Variants in DHRS1 observed in about 807,000 individuals in gnomAD.
The protein encoded by DHRS1 is dehydrogenase/reductase 1.
A neutral mutation model predicts 35.2 loss-of-function variants in DHRS1; 34 were observed. That is an observed-to-expected ratio of 0.97 (90% CI 0.74 to 1.29). DHRS1 has a LOEUF of 1.29. DHRS1 is among the 50% of genes most tolerant of loss of function. The pLI, the probability that DHRS1 is intolerant of heterozygous loss-of-function variation, is 0.00. For missense variants in DHRS1, 354 were observed against 403.6 expected (o/e 0.88, Z 1.05); for synonymous variants, 133 against 160.0 (o/e 0.83, Z 1.27).
At position 24,291,642 on chromosome 14, in the gene DHRS1, G is replaced by T; in HGVS notation, c.655-17C>A. 6.2e-7 allele frequency: 1 copy of T among 1,613,050 alleles called. No individual in the cohort carries two copies. On this transcript the variant is annotated splice_polypyrimidine_tract_variant and intron_variant, in intron 6 of 8. Coordinates refer to ENST00000288111, the MANE Select transcript of DHRS1 (RefSeq NM_001136050.3). ...TGATTTGAACTGAAACACAGGGGCAGAGAAGTGAAGGGTTAATTTCCAAGA... is the reference window on the plus strand; with the variant it reads ...TGATTTGAACTGAAACACAGGGGCATAGAAGTGAAGGGTTAATTTCCAAGA...
In DHRS1 at chr14:24,290,766, G is replaced by A. The variant is rs2041143928; in HGVS notation, c.*93C>T. ...GCTTCTCTTCATATCAAGGGTATGGGTAAACAAGAAAGGCTGCTGTTTCAC... is the reference window on the plus strand; with the variant it reads ...GCTTCTCTTCATATCAAGGGTATGGATAAACAAGAAAGGCTGCTGTTTCAC... On this transcript the variant is annotated 3_prime_UTR_variant, in exon 9 of 9. Transcript: ENST00000288111. 1 of 1,525,890 alleles carries A rather than the reference G, an allele frequency of 6.6e-7. No homozygotes were observed. The highest frequency in any genetic ancestry group is 9.0e-7 in the Non-Finnish European group (1 of 1,110,142). The allele number at this position is 1,525,890 out of a possible 1,614,324, so 94.5% of individuals were successfully genotyped here. A position where few individuals can be genotyped will look rare whatever the true frequency, so the allele number is the denominator to read the frequency against.
chr14:24,297,319 C>T (rs1478788957), intron 2 of DHRS1, among the ~76,000 whole-genome samples: 3 of 152,174 alleles, frequency 2.0e-5, no homozygotes. Context: ...CTTACCCTCA[C>T]TCCACCAATG....
Position 24,291,639 on chromosome 14 carries a change from GC to G in DHRS1, c.655-15del. On this transcript the variant is annotated splice_polypyrimidine_tract_variant and intron_variant, in intron 6 of 8. Transcript: ENST00000288111. ...GGCTGATTTGAACTGAAACACAGGG[GC>G]AGAGAAGTGAAGGGTTAATTTCCAA... The G allele has an allele frequency of 6.2e-7, 1 of 1,613,336 alleles. No individual in the cohort carries two copies. The highest frequency in any genetic ancestry group is 1.1e-5 in the South Asian group (1 of 91,072).
chr14:24,297,539 C>T (rs188364509), intron 2 of DHRS1, among the ~76,000 whole-genome samples: 11 of 152,330 alleles, frequency 7.2e-5, no homozygotes, highest in South Asian at 2.1e-4. Context: ...TGCCTCCCAA[C>T]GACTCACCTG....
At position 24,296,524 on chromosome 14, in the gene DHRS1, TTGA is replaced by T. The variant is rs2041250599; in HGVS notation, c.356_358del (p.Ile119del). The T allele has an allele frequency of 6.2e-7, 1 of 1,614,104 alleles. No homozygotes were observed. Among genetic ancestry groups the T allele is most frequent in the Admixed American group, 1.7e-5 (1 of 60,010 alleles). ...GAGCACCCACCTGAGTCCGACGTTG[TTGA>T]TATCATCCCACATGGAGGCAGGGGT... On this transcript the variant is annotated inframe_deletion, in exon 4 of 9. Transcript: ENST00000288111.
chr14:24,291,731 G>A, intron 6 of DHRS1, 106 bp from the exon 7 acceptor site: 1 of 1,215,990 alleles, frequency 8.2e-7, no homozygotes, highest in Middle Eastern at 1.9e-4. Context: ...AAAGACCAAA[G>A]AGGCCAAAGA....
In DHRS1 at chr14:24,290,758, G is replaced by GGGT; in HGVS notation, c.*98_*100dup. The GGGT allele has an allele frequency of 1.4e-6, 2 of 1,474,464 alleles. No individual in the cohort carries two copies. Among genetic ancestry groups the GGGT allele is most frequent in the Admixed American group, 3.5e-5 (2 of 57,486 alleles). The allele number at this position is 1,474,464 out of a possible 1,614,324, so 91.3% of individuals were successfully genotyped here. A position where few individuals can be genotyped will look rare whatever the true frequency, so the allele number is the denominator to read the frequency against. On this transcript the variant is annotated 3_prime_UTR_variant, in exon 9 of 9. Coordinates refer to ENST00000288111, the MANE Select transcript of DHRS1 (RefSeq NM_001136050.3). Reference sequence around the variant, plus strand: ...AGCAGAGGGCTTCTCTTCATATCAAGGGTATGGGTAAACAAGAAAGGCTGC... The same window carrying GGGT: ...AGCAGAGGGCTTCTCTTCATATCAAGGGTGGTATGGGTAAACAAGAAAGGCTGC...
chr14:24,292,996 C>T, intron 4 of DHRS1: 1 of 541,264 alleles, frequency 1.8e-6, no homozygotes, highest in Non-Finnish European at 3.1e-6. Flanking sequence ...AAACAGCAAT[C>T]TTTGGAAGAA....
At chr14:24,292,895 C>G in intron 4 of DHRS1, 111 bp from the exon 5 acceptor site, 1 of 1,415,580 alleles carries the variant, frequency 7.1e-7, no homozygotes, top group South Asian at 1.5e-5. Flanking sequence ...ACTAGGAAGG[C>G]TACACAGGGT....
At chr14:24,291,974 G>T in intron 6 of DHRS1, 1 of 667,992 alleles carries the variant, frequency 1.5e-6, no homozygotes, top group Non-Finnish European at 2.5e-6. Context: ...CCTTCAACAA[G>T]TTTCTAAACC....
At chr14:24,291,280 G>T (rs1223392463) in intron 7 of DHRS1, 61 bp from the exon 8 acceptor site, 33 of 1,551,154 alleles carry the variant, frequency 2.1e-5, no homozygotes, top group Non-Finnish European at 2.9e-5. Flanking sequence ...GACAAGGTTT[G>T]GGCCCAGTTG....
intron 4 of DHRS1, among the ~76,000 whole-genome samples, chr14:24,295,387 C>T (rs1234832829): frequency 1.3e-5 from 2 of 152,100 alleles, no homozygotes; most frequent in Non-Finnish European, 2.9e-5. Flanking sequence ...GAATTAGGAC[C>T]TTCCAAATGA....
intron 2 of DHRS1, among the ~76,000 whole-genome samples, chr14:24,297,881 T>C (rs942888271): frequency 7.9e-5 from 12 of 152,208 alleles, no homozygotes; most frequent in African/African-American, 2.9e-4. Context: ...TCCAGGACGC[T>C]TTCCCAAACC....
At chr14:24,295,975 C>T (rs1287862295) in intron 4 of DHRS1, among the ~76,000 whole-genome samples, 6 of 152,124 alleles carry the variant, frequency 3.9e-5, no homozygotes, top group East Asian at 1.9e-4. Context: ...TTATGCTAGG[C>T]GAATTCTAAA....
At position 24,298,954 on chromosome 14, in the gene DHRS1, C is replaced by T. The variant is rs1347587886; in HGVS notation, c.150+3G>A. Reference sequence around the variant, plus strand: ...CAACTGTGGTCCCAGAGGAAGCACTCACCTCCTGAGCAACAACGCGAAGGG... The same window carrying T: ...CAACTGTGGTCCCAGAGGAAGCACTTACCTCCTGAGCAACAACGCGAAGGG... On this transcript the variant is annotated splice_donor_region_variant and intron_variant, in intron 2 of 8. Transcript: ENST00000288111. The T allele has an allele frequency of 6.2e-7, 1 of 1,601,094 alleles. No individual in the cohort carries two copies. Among genetic ancestry groups the T allele is most frequent in the South Asian group, 1.1e-5 (1 of 90,588 alleles).
In DHRS1 at chr14:24,290,759, G is replaced by C; in HGVS notation, c.*100C>G. On this transcript the variant is annotated 3_prime_UTR_variant, in exon 9 of 9. Coordinates refer to ENST00000288111, the MANE Select transcript of DHRS1 (RefSeq NM_001136050.3). ...GCAGAGGGCTTCTCTTCATATCAAG[G>C]GTATGGGTAAACAAGAAAGGCTGCT... 6.7e-7 allele frequency: 1 copy of C among 1,481,860 alleles called. No homozygotes were observed. The highest frequency in any genetic ancestry group is 9.3e-7 in the Non-Finnish European group (1 of 1,072,812). The allele number at this position is 1,481,860 out of a possible 1,614,324, so 91.8% of individuals were successfully genotyped here.
intron 4 of DHRS1, among the ~76,000 whole-genome samples, chr14:24,296,303 G>C (rs1361772771): frequency 6.6e-6 from 1 of 152,208 alleles, no homozygotes; most frequent in Non-Finnish European, 1.5e-5. Context: ...TTGTTCCAAT[G>C]AAAATTACTG....
At chr14:24,291,717 G>T in intron 6 of DHRS1, 92 bp from the exon 7 acceptor site, 1 of 1,323,428 alleles carries the variant, frequency 7.6e-7, no homozygotes. Context: ...AGGAGAAAAA[G>T]ACCAAAGACC....
chr14:24,291,434 A>G (rs2041156042), intron 7 of DHRS1, 122 bp downstream of exon 7: 3 of 1,218,550 alleles, frequency 2.5e-6, no homozygotes, highest in Admixed American at 1.7e-5. Context: ...TTGGGCCTCA[A>G]AAAGCAGAGA....
Sources: gnomAD v4.1 joint callset for allele counts (sites outside exome capture counted in the v4.1 genomes callset) on GRCh38, gnomAD v4.1.1 for gene constraint, MANE v1.5 for transcripts, NCBI Gene and HGNC (gene_info 2026-07-23, HGNC 2026-07-21) for gene names.